ANKS1B: variants seen among roughly 807,000 people sequenced by gnomAD.
ANKS1B encodes ankyrin repeat and sterile alpha motif domain-containing protein 1B.
In ANKS1B, 36 loss-of-function variants were observed where a neutral mutation model predicts 148.3. The ratio of observed to expected loss-of-function variants is 0.24; its 90% CI spans 0.19 to 0.32. The LOEUF (loss-of-function observed/expected upper bound fraction) is 0.32, where lower values mean the gene tolerates loss of function less well. Among genes scored for constraint, ANKS1B ranks in the 10% least tolerant of loss-of-function variants. The probability of loss-of-function intolerance (pLI) is 1.00; values close to 1 mark genes in which losing one functional copy is unlikely to be tolerated. For missense variants in ANKS1B, 1,157 were observed against 1,542.6 expected (o/e 0.75, Z 4.19); for synonymous variants, 542 against 560.8 (o/e 0.97, Z 0.47).
At chr12:99,536,062 T>A (rs953199490) in intron 9 of ANKS1B, among the ~76,000 whole-genome samples, 1 of 152,208 alleles carries the variant, frequency 6.6e-6, no homozygotes, top group Non-Finnish European at 1.5e-5. Context: ...ATTTGATGTA[T>A]GCAGCAGCTC....
intron 11 of ANKS1B, among the ~76,000 whole-genome samples, chr12:99,441,003 G>T (rs2095541077): frequency 6.6e-6 from 1 of 151,616 alleles, no homozygotes; most frequent in Admixed American, 6.6e-5. Context: ...ATGAATAAGG[G>T]TCACATTTAC....
intron 3 of ANKS1B, among the ~76,000 whole-genome samples, chr12:99,809,574 C>T (rs981844926): frequency 9.2e-5 from 14 of 151,910 alleles, no homozygotes; most frequent in African/African-American, 3.4e-4. Flanking sequence ...TGAACAAGAC[C>T]TAGGTTGAAG....
chr12:99,309,129 C>T (rs914559829), intron 12 of ANKS1B, among the ~76,000 whole-genome samples: 2 of 151,622 alleles, frequency 1.3e-5, no homozygotes, highest in Admixed American at 1.3e-4. Flanking sequence ...CATGTAATTT[C>T]AGTTTATGTT....
intron 15 of ANKS1B, among the ~76,000 whole-genome samples, chr12:99,150,822 G>C (rs775813630): frequency 1.4e-4 from 22 of 151,998 alleles, no homozygotes; most frequent in Non-Finnish European, 2.4e-4. Flanking sequence ...CCAGAGGTTA[G>C]TGAGTATCAG....
chr12:98,991,962 A>G (rs2099926823), intron 17 of ANKS1B, among the ~76,000 whole-genome samples: 1 of 152,224 alleles, frequency 6.6e-6, no homozygotes, highest in African/African-American at 2.4e-5. Flanking sequence ...ATTTATATGA[A>G]AAAGATAATA....
At chr12:99,205,370 A>C (rs1191311482) in intron 14 of ANKS1B, among the ~76,000 whole-genome samples, 1 of 152,164 alleles carries the variant, frequency 6.6e-6, no homozygotes, top group African/African-American at 2.4e-5. Flanking sequence ...TTTATTTTAG[A>C]GAATGAGGTA....
At chr12:99,581,343 T>C in intron 9 of ANKS1B, among the ~76,000 whole-genome samples, 1 of 152,028 alleles carries the variant, frequency 6.6e-6, no homozygotes, top group East Asian at 1.9e-4. Context: ...ACAGAAACAT[T>C]TGGATATCCA....
chr12:99,981,985 CCTT>C (rs2095709316), intron 1 of ANKS1B, among the ~76,000 whole-genome samples: 1 of 152,016 alleles, frequency 6.6e-6, no homozygotes, highest in African/African-American at 2.4e-5. Flanking sequence ...ATAAAATGTG[CCTT>C]CTTAGGAATG....
intron 9 of ANKS1B, among the ~76,000 whole-genome samples, chr12:99,645,120 T>C (rs2098348015): frequency 6.6e-6 from 1 of 152,246 alleles, no homozygotes; most frequent in Admixed American, 6.5e-5. Flanking sequence ...GGGGGAATTA[T>C]TCTGTAAACC....
At chr12:99,828,671 TAAAA>T (rs1373603562) in intron 1 of ANKS1B, among the ~76,000 whole-genome samples, 1 of 151,682 alleles carries the variant, frequency 6.6e-6, no homozygotes, top group East Asian at 1.9e-4. Flanking sequence ...AACAATGAAA[TAAAA>T]AAGAAAATCA....
chr12:99,303,755 A>G (rs751916354), intron 12 of ANKS1B, among the ~76,000 whole-genome samples: 1 of 152,076 alleles, frequency 6.6e-6, no homozygotes, highest in Non-Finnish European at 1.5e-5. Flanking sequence ...ACTGTACTCA[A>G]TGTGTAGTCT....
rs1483130392 is a variant in ANKS1B at position 99,431,598 on chromosome 12, A to G, written c.1575+12075T>C. On this transcript the variant is annotated intron_variant, in intron 11 of 26. Coordinates refer to ENST00000683438, the MANE Select transcript of ANKS1B (RefSeq NM_001352186.2). ...AATTATTTAACCCTGTATTTCCCCA[A>G]TATATTTGACAATGGAAACTTTTTA... Among the ~76,000 whole-genome samples the G allele has an allele frequency of 4.6e-5, 7 of 152,208 alleles. No homozygotes were observed. The East Asian group carries it at 1.2e-3, about 25-fold the overall frequency.
chr12:99,821,831 T>A (rs1346555557), intron 2 of ANKS1B, among the ~76,000 whole-genome samples: 1 of 152,102 alleles, frequency 6.6e-6, no homozygotes, highest in Non-Finnish European at 1.5e-5. Flanking sequence ...GGCTGATTTG[T>A]CTTTGTTCCT....
intron 14 of ANKS1B, among the ~76,000 whole-genome samples, chr12:99,181,113 T>C (rs1404291412): frequency 2.6e-5 from 4 of 152,232 alleles, no homozygotes; most frequent in Non-Finnish European, 4.4e-5. Context: ...TTGTGGGTGT[T>C]CATTTCTGAA....
At chr12:99,225,554 A>G (rs79471804) in intron 14 of ANKS1B, among the ~76,000 whole-genome samples, 1,991 of 152,260 alleles carry the variant, frequency 0.013, 36 homozygotes, top group African/African-American at 0.046. Flanking sequence ...ATCACCCTCA[A>G]TCTGGGTGGG....
intron 14 of ANKS1B, among the ~76,000 whole-genome samples, chr12:99,184,175 C>T (rs1280566817): frequency 6.6e-6 from 1 of 152,132 alleles, no homozygotes; most frequent in Non-Finnish European, 1.5e-5. Context: ...ATGATAGTAA[C>T]ACAATATATC....
At chr12:99,405,043 A>G (rs1188833548) in intron 11 of ANKS1B, among the ~76,000 whole-genome samples, 2 of 146,066 alleles carry the variant, frequency 1.4e-5, no homozygotes, top group African/African-American at 5.2e-5. Flanking sequence ...CTAGAATAGT[A>G]TATCCAGTGA....
chr12:99,440,167 CA>C lies in ANKS1B; in HGVS notation c.1575+3505del, dbSNP rs570821666. ...AGGAGGGCAACTAATTAGAAAGGGG[CA>C]AGAGGAAACTTTCTGGGGTGATGGC... On this transcript the variant is annotated intron_variant, in intron 11 of 26. Coordinates refer to ENST00000683438, the MANE Select transcript of ANKS1B (RefSeq NM_001352186.2). Among the ~76,000 whole-genome samples the C allele has an allele frequency of 3.2e-4, 49 of 151,774 alleles. No individual in the cohort carries two copies. The South Asian group carries it at 1.0e-2, about 31-fold the overall frequency.
At chr12:99,330,112 C>A (rs538681542) in intron 12 of ANKS1B, among the ~76,000 whole-genome samples, 14 of 152,026 alleles carry the variant, frequency 9.2e-5, no homozygotes, top group Non-Finnish European at 1.5e-4. Flanking sequence ...TAAGTAATTT[C>A]TCTTTCACAT....
Sources: allele counts gnomAD v4.1 joint callset (sites outside exome capture counted in the v4.1 genomes callset), GRCh38; gene constraint gnomAD v4.1.1; transcripts MANE v1.5; gene names NCBI Gene and HGNC (gene_info 2026-07-23, HGNC 2026-07-21).